The following PCDHA5 variants were observed in gnomAD, a reference collection of about 807,000 sequenced individuals.
PCDHA5 encodes protocadherin alpha-5.
In PCDHA5, 43 loss-of-function variants were observed where a neutral mutation model predicts 61.6. That is an observed-to-expected ratio of 0.70 (90% confidence interval 0.55 to 0.90). PCDHA5 has a LOEUF of 0.90. Among genes scored for constraint, PCDHA5 ranks in the 40% least tolerant of loss-of-function variants. The pLI is 0.00. For synonymous variants in PCDHA5, 627 were observed against 543.9 expected (o/e 1.15, Z -2.13); for missense variants, 1,298 against 1,222.7 (o/e 1.06, Z -0.92).
chr5:140,828,105 CG>C (rs2150151018), intron 1 of PCDHA5: 1 of 1,610,250 alleles, frequency 6.2e-7, no homozygotes, highest in Non-Finnish European at 8.5e-7. Flanking sequence ...GTGTTTACCC[CG>C]GAGGATAGAT....
At chr5:140,873,414 G>T (rs184525297) in intron 1 of PCDHA5, among the ~76,000 whole-genome samples, 57 of 152,118 alleles carry the variant, frequency 3.7e-4, no homozygotes, top group African/African-American at 1.2e-3. Flanking sequence ...TTAAAATTTT[G>T]TAAATTATTA....
intron 1 of PCDHA5, chr5:140,868,939 G>T (rs2050745278): frequency 1.6e-6 from 2 of 1,242,994 alleles, no homozygotes; most frequent in African/African-American, 1.5e-5. Context: ...AGGTTGGTCT[G>T]AACAGTGAGG....
chr5:140,859,351 A>T (rs2045821296), intron 1 of PCDHA5: 1 of 247,508 alleles, frequency 4.0e-6, no homozygotes, highest in Non-Finnish European at 7.7e-6. Context: ...TTTTCTACTG[A>T]TCTGATATAT....
At chr5:141,000,421 A>ATATTT (rs1265241806) in intron 3 of PCDHA5, among the ~76,000 whole-genome samples, 4 of 27,980 alleles carry the variant, frequency 1.4e-4, no homozygotes, top group Non-Finnish European at 1.1e-4. Context: ...ATATATATAT[A>ATATTT]TTTTTTTTTT....
rs2150458780 is a variant in PCDHA5 at position 140,849,941 on chromosome 5, T to C, written c.2352+25814T>C. 24 of 1,597,306 alleles carry C rather than the reference T, an allele frequency of 1.5e-5. 4 individuals are homozygous for C. In the Middle Eastern group the frequency reaches 5.4e-4, roughly 36 times the overall value. On this transcript the variant is annotated intron_variant, in intron 1 of 3. Transcript: ENST00000529859. ...TCTTCACGGTGTCTGCGCGGGACGC[T>C]GACGCGCAGGAGAACGCCCTGGTGT...
chr5:140,924,472 G>A (rs938412564), intron 1 of PCDHA5, among the ~76,000 whole-genome samples: 1 of 152,188 alleles, frequency 6.6e-6, no homozygotes, highest in African/African-American at 2.4e-5. Flanking sequence ...GAGGTAACTG[G>A]TTTTTAGTGG....
intron 1 of PCDHA5, among the ~76,000 whole-genome samples, chr5:140,903,033 G>A (rs2069954043): frequency 6.6e-6 from 1 of 152,180 alleles, no homozygotes; most frequent in African/African-American, 2.4e-5. Context: ...GCTTGCACAT[G>A]TGTCTTTTTC....
chr5:140,825,840 C>T (rs1347379452), intron 1 of PCDHA5: 1 of 152,306 alleles, frequency 6.6e-6, no homozygotes, highest in Non-Finnish European at 1.5e-5. Context: ...AATAAATATA[C>T]CATGATACAA....
At position 140,822,398 on chromosome 5, in the gene PCDHA5, G is replaced by C; in HGVS notation, c.623G>C (p.Arg208Pro). The C allele has an allele frequency of 6.2e-7, 1 of 1,614,062 alleles. No homozygotes were observed. Among genetic ancestry groups the C allele is most frequent in the Non-Finnish European group, 8.5e-7 (1 of 1,180,016 alleles). The change falls in exon 1 of 4, where the codon CGT becomes CCT. Residue 208 changes from arginine (R) to proline (P), a missense_variant. Coordinates refer to ENST00000529859, the MANE Select transcript of PCDHA5 (RefSeq NM_018908.3). ...GATAGAGAAGAAACACAAGAACACC[G>C]TTTATTAGTGATTGCAACTGATGGA... ...SLDREETQEH[R>P]LLVIATDGGK...
chr5:140,857,656 G>C (rs1269090821), intron 1 of PCDHA5: 1 of 1,596,806 alleles, frequency 6.3e-7, no homozygotes, highest in Non-Finnish European at 8.6e-7. Flanking sequence ...AGGTGAGCGC[G>C]CGCGATGGGG....
In PCDHA5 at chr5:140,846,938, C is replaced by A. The variant is rs1187863995; in HGVS notation, c.2352+22811C>A. 2.7e-5 allele frequency among the ~76,000 whole-genome samples: 4 copies of A among 149,452 alleles called. 2 individuals are homozygous for A. The highest frequency in any genetic ancestry group is 6.0e-5 in the Non-Finnish European group (4 of 66,840). On this transcript the variant is annotated intron_variant, in intron 1 of 3. Coordinates refer to ENST00000529859, the MANE Select transcript of PCDHA5 (RefSeq NM_018908.3). ...TCCTATTTGAATTTTTGAAGAAATACTTGAAGGGGCATGGTGTGTTTCAGT... is the reference window on the plus strand; with the variant it reads ...TCCTATTTGAATTTTTGAAGAAATAATTGAAGGGGCATGGTGTGTTTCAGT...
intron 3 of PCDHA5, among the ~76,000 whole-genome samples, chr5:141,008,156 G>A (rs1231186640): frequency 6.6e-6 from 1 of 152,150 alleles, no homozygotes; most frequent in Non-Finnish European, 1.5e-5. Context: ...GGTTTGATAA[G>A]ATGAGGACTA....
chr5:140,936,312 C>A (rs2090900162), intron 1 of PCDHA5, among the ~76,000 whole-genome samples: 1 of 152,166 alleles, frequency 6.6e-6, no homozygotes, highest in Non-Finnish European at 1.5e-5. Context: ...ATAGAACTTT[C>A]TGACATGCTA....
intron 1 of PCDHA5, among the ~76,000 whole-genome samples, chr5:140,940,230 TA>T (rs2153645241): frequency 6.6e-6 from 1 of 152,330 alleles, no homozygotes; most frequent in Non-Finnish European, 1.5e-5. Flanking sequence ...TTCATTTTGG[TA>T]CATTAAAGTT....
chr5:140,919,733 AG>A (rs1426663186), intron 1 of PCDHA5, among the ~76,000 whole-genome samples: 1 of 152,194 alleles, frequency 6.6e-6, no homozygotes, highest in Admixed American at 6.5e-5. Flanking sequence ...TGTTACTTCT[AG>A]ATAGCTTTAT....
intron 1 of PCDHA5, chr5:140,836,138 G>A (rs2150253717): frequency 6.2e-7 from 1 of 1,613,790 alleles, no homozygotes; most frequent in Middle Eastern, 1.6e-4. Flanking sequence ...CGCGGTCTGT[G>A]GGCGCGGGCC....
intron 1 of PCDHA5, chr5:140,876,963 G>A: frequency 6.2e-7 from 1 of 1,613,068 alleles, no homozygotes; most frequent in Middle Eastern, 1.8e-4. Flanking sequence ...TGGTGGAGCG[G>A]CGGGTGGGCG....
chr5:140,971,468 A>C (rs938390548), intron 1 of PCDHA5, among the ~76,000 whole-genome samples: 7 of 152,174 alleles, frequency 4.6e-5, no homozygotes, highest in African/African-American at 7.2e-5. Context: ...AGTTATAGGG[A>C]GAGAGTGTCA....
In PCDHA5 at chr5:140,869,379, C is replaced by G. The variant is rs1554162987; in HGVS notation, c.2352+45252C>G. The G allele has an allele frequency of 1.9e-6, 3 of 1,614,122 alleles. No individual in the cohort carries two copies. The South Asian group carries it at 3.3e-5, about 18-fold the overall frequency. ...TGTTTGTGAATTCTCGGATCGACCG[C>G]GAGGAGCTGTGCGGGCAGAGCGCGG... On this transcript the variant is annotated intron_variant, in intron 1 of 3. Coordinates refer to ENST00000529859, the MANE Select transcript of PCDHA5 (RefSeq NM_018908.3).
Sources: allele counts gnomAD v4.1 joint callset (sites outside exome capture counted in the v4.1 genomes callset), GRCh38; gene constraint gnomAD v4.1.1; transcripts MANE v1.5; gene names NCBI Gene and HGNC (gene_info 2026-07-23, HGNC 2026-07-21).